LIMS1: variants seen among roughly 807,000 people sequenced by gnomAD.
The protein encoded by LIMS1 is LIM and senescent cell antigen-like-containing domain protein 1.
Under a neutral mutation model 44.1 loss-of-function variants are expected in LIMS1, and 18 were observed. That is an observed-to-expected ratio of 0.41 (90% CI 0.28 to 0.61). LIMS1 has a LOEUF of 0.61. Among genes scored for constraint, LIMS1 ranks in the 20% least tolerant of loss-of-function variants. The pLI is 0.32. For missense variants in LIMS1, 201 were observed against 422.0 expected (o/e 0.48, Z 4.59); for synonymous variants, 93 against 149.1 (o/e 0.62, Z 2.74).
At chr2:108,663,333 G>T (rs1235087298) in intron 2 of LIMS1, among the ~76,000 whole-genome samples, 1 of 152,070 alleles carries the variant, frequency 6.6e-6, no homozygotes, top group East Asian at 1.9e-4. Flanking sequence ...TGTTGCCCAG[G>T]CTGGTCTCGA....
At chr2:108,576,179 G>A (rs1290551574) in intron 1 of LIMS1, among the ~76,000 whole-genome samples, 1 of 152,180 alleles carries the variant, frequency 6.6e-6, no homozygotes, top group East Asian at 1.9e-4. Context: ...CTGAACGAGA[G>A]CTAATAGGTT....
At chr2:108,607,056 A>C (rs1216040233) in intron 1 of LIMS1, 13 of 621,870 alleles carry the variant, frequency 2.1e-5, no homozygotes, top group Non-Finnish European at 3.6e-5. Flanking sequence ...TAGGAGGTGG[A>C]GCCTTTGGAG....
At chr2:108,569,041 A>G (rs1239999271) in intron 1 of LIMS1, among the ~76,000 whole-genome samples, 2 of 152,010 alleles carry the variant, frequency 1.3e-5, no homozygotes, top group African/African-American at 4.8e-5. Context: ...ACAGGCACGC[A>G]CCACCATGCC....
intron 1 of LIMS1, among the ~76,000 whole-genome samples, chr2:108,567,622 A>C (rs746990241): frequency 2.8e-4 from 42 of 152,052 alleles, no homozygotes; most frequent in Non-Finnish European, 4.6e-4. Flanking sequence ...TCCAGGCTGG[A>C]GTGCAATGTC....
intron 1 of LIMS1, among the ~76,000 whole-genome samples, chr2:108,592,087 G>A (rs1027295821): frequency 2.6e-5 from 4 of 152,048 alleles, no homozygotes; most frequent in Admixed American, 6.6e-5. Flanking sequence ...GAGCCACCAC[G>A]CCCAGCCTAG....
At chr2:108,601,654 A>C (rs751995290) in intron 1 of LIMS1, among the ~76,000 whole-genome samples, 1 of 152,190 alleles carries the variant, frequency 6.6e-6, no homozygotes, top group Non-Finnish European at 1.5e-5. Flanking sequence ...TTTAATATTT[A>C]ACTTTTCCTC....
intron 1 of LIMS1, among the ~76,000 whole-genome samples, chr2:108,562,424 A>G (rs978790536): frequency 1.7e-4 from 26 of 152,324 alleles, no homozygotes; most frequent in African/African-American, 5.1e-4. Flanking sequence ...AAAGTTCTTG[A>G]AAAAGTGCTA....
chr2:108,649,650 G>A (rs979141716), intron 1 of LIMS1, among the ~76,000 whole-genome samples: 14 of 152,142 alleles, frequency 9.2e-5, no homozygotes, highest in Non-Finnish European at 4.4e-5. Context: ...CCATAAAAAA[G>A]GATGAGTTCA....
intron 1 of LIMS1, chr2:108,621,488 A>G: frequency 6.7e-7 from 1 of 1,486,846 alleles, no homozygotes; most frequent in East Asian, 2.5e-5. Flanking sequence ...GGTTGGCTAA[A>G]GGTCAAGACA....
intron 8 of LIMS1, among the ~76,000 whole-genome samples, chr2:108,680,365 C>CA (rs35982119): frequency 0.41 from 28,018 of 67,874 alleles, 5,686 homozygotes; most frequent in Middle Eastern, 0.53. Context: ...GATTCCGTCT[C>CA]AAAAAAAAAA....
intron 1 of LIMS1, among the ~76,000 whole-genome samples, chr2:108,586,327 T>G (rs748925423): frequency 1.3e-5 from 2 of 152,124 alleles, no homozygotes; most frequent in Non-Finnish European, 2.9e-5. Context: ...ATTTACAAAC[T>G]CTTCGGGGGA....
chr2:108,671,599 G>A (rs1381243335), intron 3 of LIMS1, among the ~76,000 whole-genome samples: 1 of 152,176 alleles, frequency 6.6e-6, no homozygotes, highest in East Asian at 1.9e-4. Flanking sequence ...CCTCTGCCGG[G>A]TTTCCAGAGA....
At chr2:108,599,408 A>G (rs1318890885) in intron 1 of LIMS1, among the ~76,000 whole-genome samples, 5 of 152,176 alleles carry the variant, frequency 3.3e-5, no homozygotes, top group Non-Finnish European at 5.9e-5. Context: ...TCCATTGTAT[A>G]TAAGTACCAC....
At chr2:108,667,390 A>G (rs1388396764) in intron 2 of LIMS1, among the ~76,000 whole-genome samples, 1 of 152,062 alleles carries the variant, frequency 6.6e-6, no homozygotes, top group African/African-American at 2.4e-5. Context: ...CCACACAATG[A>G]GTCTTTCAGC....
chr2:108,572,538 C>A (rs114625306), intron 1 of LIMS1, among the ~76,000 whole-genome samples: 2,728 of 151,916 alleles, frequency 0.018, 47 homozygotes, highest in African/African-American at 0.039. Flanking sequence ...AGGAGGATTA[C>A]CCCACCCAGC....
At chr2:108,586,123 C>T (rs1428600830) in intron 1 of LIMS1, among the ~76,000 whole-genome samples, 11 of 151,960 alleles carry the variant, frequency 7.2e-5, no homozygotes, top group Admixed American at 2.6e-4. Flanking sequence ...ACCCAGGAGG[C>T]GGAGCTTGCA....
intron 2 of LIMS1, among the ~76,000 whole-genome samples, chr2:108,668,212 A>G (rs554174845): frequency 6.6e-6 from 1 of 152,352 alleles, no homozygotes; most frequent in Admixed American, 6.5e-5. Context: ...GAACATTCAA[A>G]ATATCCCTTT....
At chr2:108,534,940 C>T (rs1222549351) in intron 1 of LIMS1, among the ~76,000 whole-genome samples, 1 of 152,182 alleles carries the variant, frequency 6.6e-6, no homozygotes, top group African/African-American at 2.4e-5. Flanking sequence ...TCTCAGGACC[C>T]CTCTTGGGAC....
At chr2:108,616,646 A>C (rs1407643052) in intron 1 of LIMS1, among the ~76,000 whole-genome samples, 6 of 152,086 alleles carry the variant, frequency 3.9e-5, no homozygotes, top group Non-Finnish European at 7.4e-5. Context: ...CCATATTTTC[A>C]TGATTTTTTT....
Sources: allele counts gnomAD v4.1 joint callset (sites outside exome capture counted in the v4.1 genomes callset), GRCh38; gene constraint gnomAD v4.1.1; transcripts MANE v1.5; gene names NCBI Gene and HGNC (gene_info 2026-07-23, HGNC 2026-07-21).